CD300LD: variants seen among roughly 807,000 people sequenced by gnomAD.
CD300LD encodes the protein CD300 molecule like family member d.
In CD300LD, 18 loss-of-function variants were observed where a neutral mutation model predicts 20.3. The ratio of observed to expected loss-of-function variants is 0.89; its 90% CI spans 0.61 to 1.32. The LOEUF is 1.32. Among genes scored for constraint, CD300LD ranks in the 40% most tolerant of loss-of-function variants. The pLI is 0.00. For missense variants in CD300LD, 195 were observed against 226.6 expected, an observed-to-expected ratio of 0.86 and a Z score of 0.90; for synonymous variants, 104 against 90.1, an observed-to-expected ratio of 1.15 and a Z score of -0.87.
chr17:74,591,945 GC>G (rs2030329424), intron 1 of CD300LD: 2 of 1,345,098 alleles, frequency 1.5e-6, no homozygotes, highest in East Asian at 4.9e-5. Flanking sequence ...CCAACAAGAA[GC>G]TATACTTGTT....
At chr17:74,583,017 T>C (rs1052008556) in intron 2 of CD300LD, among the ~76,000 whole-genome samples, 11 of 152,198 alleles carry the variant, frequency 7.2e-5, no homozygotes, top group African/African-American at 2.7e-4. Flanking sequence ...AAGGTATAAC[T>C]GACACATAAT....
chr17:74,582,369 G>A, intron 2 of CD300LD, 58 bp from the exon 3 acceptor site: 1 of 1,447,744 alleles, frequency 6.9e-7, no homozygotes, highest in Non-Finnish European at 9.6e-7. Flanking sequence ...AGCTCTGGCT[G>A]TGGCCCTAAG....
intron 2 of CD300LD, among the ~76,000 whole-genome samples, chr17:74,583,749 CTTTT>C (rs34787485): frequency 2.0e-5 from 2 of 98,022 alleles, no homozygotes; most frequent in African/African-American, 4.4e-5. Context: ...GAGTATTTCA[CTTTT>C]TTTTTTTTTT....
chr17:74,588,420 CTGAG>C, intron 2 of CD300LD, 87 bp downstream of exon 2: 1 of 806,900 alleles, frequency 1.2e-6, no homozygotes, highest in Non-Finnish European at 2.1e-6. Flanking sequence ...ACAGGTCACT[CTGAG>C]TGACAGTTAA....
intron 2 of CD300LD, chr17:74,585,120 G>A (rs2030127457): frequency 6.6e-6 from 1 of 152,150 alleles, no homozygotes; most frequent in Admixed American, 6.5e-5. Context: ...CTGGTGCTCA[G>A]GTTAGTTCTC....
chr17:74,586,559 C>T (rs1434695151), intron 2 of CD300LD, among the ~76,000 whole-genome samples: 3 of 152,150 alleles, frequency 2.0e-5, no homozygotes, highest in African/African-American at 7.2e-5. Context: ...ACAATGGAGG[C>T]ATTCCCTGTC....
intron 2 of CD300LD, 32 bp from the exon 3 acceptor site, chr17:74,582,343 C>T (rs2143273094): frequency 6.3e-7 from 1 of 1,587,758 alleles, no homozygotes; most frequent in South Asian, 1.1e-5. Context: ...CGGTTCACCC[C>T]TTCCATGGAT....
chr17:74,588,836 G>T lies in CD300LD; in HGVS notation c.54C>A (p.Ala18=). 1 of 1,606,514 alleles carries T rather than the reference G, an allele frequency of 6.2e-7. No individual in the cohort carries two copies. The highest frequency in any genetic ancestry group is 8.5e-7 in the Non-Finnish European group (1 of 1,173,836). ...CTGTTGTTGGACCAGTGATTTTAGC[G>T]GCAATGGAGTAACCTGGAAAACGCA... ...LLLILPGYSI[A]AKITGPTTVN... The change falls in exon 2 of 4, where the codon GCC becomes GCA. Residue 18 remains alanine (A), a synonymous_variant. Transcript: ENST00000375352.
intron 3 of CD300LD, among the ~76,000 whole-genome samples, chr17:74,581,496 G>T (rs2030036083): frequency 6.6e-6 from 1 of 152,194 alleles, no homozygotes; most frequent in African/African-American, 2.4e-5. Flanking sequence ...ACACCTCCAG[G>T]GCTGGTGAGC....
rs75051936 is a variant in CD300LD, at chr17:74,590,141, G to A, written c.41-1292C>T. ...GGGCGGTTTCCCCCACATTGTTCTCGTGGTAGTGAATAAGTCTCATGAGAG... is the reference window on the plus strand; with the variant it reads ...GGGCGGTTTCCCCCACATTGTTCTCATGGTAGTGAATAAGTCTCATGAGAG... On this transcript the variant is annotated intron_variant, in intron 1 of 3. Coordinates refer to ENST00000375352, the MANE Select transcript of CD300LD (RefSeq NM_001115152.2). Among the ~76,000 whole-genome samples the A allele has an allele frequency of 8.6e-3, 1,305 of 152,254 alleles. 16 individuals carry two copies. Among genetic ancestry groups the A allele is most frequent in the African/African-American group, 0.029 (1,190 of 41,542 alleles).
Position 74,580,485 on chromosome 17 carries a change from G to A in CD300LD, c.474-372C>T, listed in dbSNP as rs139030904. The stretch of plus-strand genomic sequence containing the variant: ...CCTCTCCGCCCTCATCGCTGCCTGT[G>A]CAAACGCTACCCACCTTTCAGGTAT... On this transcript the variant is annotated intron_variant, in intron 3 of 3. Transcript: ENST00000375352. Among the ~76,000 whole-genome samples, 1,337 of 152,358 alleles carry A rather than the reference G, an allele frequency of 8.8e-3. 21 individuals carry two copies. The highest frequency in any genetic ancestry group is 0.038 in the South Asian group (183 of 4,828).
At chr17:74,585,878 A>G (rs2030146232) in intron 2 of CD300LD, among the ~76,000 whole-genome samples, 1 of 152,176 alleles carries the variant, frequency 6.6e-6, no homozygotes, top group Non-Finnish European at 1.5e-5. Context: ...ATTACAGAGG[A>G]TATGCTGTTA....
intron 1 of CD300LD, among the ~76,000 whole-genome samples, chr17:74,589,290 G>T (rs2030249644): frequency 7.7e-6 from 1 of 129,758 alleles, no homozygotes; most frequent in Non-Finnish European, 1.9e-5. Flanking sequence ...CTCTGCTGTA[G>T]TTAATCACCC....
intron 1 of CD300LD, among the ~76,000 whole-genome samples, chr17:74,591,549 C>T (rs2030318122): frequency 6.6e-6 from 1 of 151,912 alleles, no homozygotes; most frequent in African/African-American, 2.4e-5. Context: ...TAGATATATA[C>T]CCAAGAGAAC....
intron 2 of CD300LD, among the ~76,000 whole-genome samples, chr17:74,587,195 G>A (rs2143288357): frequency 6.6e-6 from 1 of 152,178 alleles, no homozygotes; most frequent in East Asian, 1.9e-4. Flanking sequence ...TCACCAAAGG[G>A]CCATCTGAGC....
rs145127040 is a variant in CD300LD, at chr17:74,582,276, T to C, written c.415A>G (p.Thr139Ala). The change falls in exon 3 of 4, where the codon ACA becomes GCA. Residue 139 changes from threonine (T) to alanine (A), a missense_variant. Transcript: ENST00000375352. ...GCAGCTGTGAAAGCCAGGCTTGCTG[T>C]TGTGGTTGTCCATTCTGAGACTGCA... The part of the protein sequence containing the change: ...QTAVSEWTTT[T>A]ASLAFTAAAT... 5.6e-6 allele frequency: 9 copies of C among 1,613,810 alleles called. No individual in the cohort carries two copies. Among genetic ancestry groups the C allele is most frequent in the Non-Finnish European group, 1.7e-6 (2 of 1,179,794 alleles).
chr17:74,581,379 G>A (rs755848761), intron 3 of CD300LD, among the ~76,000 whole-genome samples: 2 of 152,150 alleles, frequency 1.3e-5, no homozygotes, highest in Admixed American at 6.5e-5. Flanking sequence ...GGAGCAGGAC[G>A]GTCTGTGGTT....
chr17:74,584,561 C>G (rs2030112607), intron 2 of CD300LD: 1 of 152,190 alleles, frequency 6.6e-6, no homozygotes, highest in South Asian at 2.1e-4. Context: ...ACATCTGAAG[C>G]CTGTTGTACA....
At chr17:74,591,904 T>C in intron 1 of CD300LD, 3 of 861,362 alleles carry the variant, frequency 3.5e-6, no homozygotes, top group East Asian at 3.0e-5. Context: ...CATCTGTTTA[T>C]ATGGAACAGT....
Sources: gnomAD v4.1 joint callset for allele counts (sites outside exome capture counted in the v4.1 genomes callset) on GRCh38, gnomAD v4.1.1 for gene constraint, MANE v1.5 for transcripts, NCBI Gene and HGNC (gene_info 2026-07-23, HGNC 2026-07-21) for gene names.